Variants in BIN3 observed in about 807,000 individuals in gnomAD.
BIN3 encodes the protein bridging integrator 3.
A neutral mutation model predicts 38.2 loss-of-function variants in BIN3; 41 were observed. The ratio of observed to expected loss-of-function variants is 1.07; its 90% CI spans 0.84 to 1.39. BIN3 has a LOEUF of 1.39. Among genes scored for constraint, BIN3 ranks in the 40% most tolerant of loss-of-function variants. The pLI is 0.00. For missense variants in BIN3, 361 were observed against 324.3 expected (o/e 1.11, Z -0.87); for synonymous variants, 145 against 122.6 (o/e 1.18, Z -1.21).
intron 2 of BIN3, among the ~76,000 whole-genome samples, chr8:22,643,412 C>T (rs1273257743): frequency 6.6e-6 from 1 of 152,152 alleles, no homozygotes; most frequent in Non-Finnish European, 1.5e-5. Flanking sequence ...CTCACTGTGG[C>T]CTCGAACTCG....
At chr8:22,635,448 C>T (rs527721733) in intron 4 of BIN3, among the ~76,000 whole-genome samples, 1 of 152,214 alleles carries the variant, frequency 6.6e-6, no homozygotes, top group East Asian at 1.9e-4. Context: ...TTCAGGTCCT[C>T]GTCCCAGTGT....
chr8:22,629,810 C>A, intron 6 of BIN3, 154 bp downstream of exon 6: 1 of 758,892 alleles, frequency 1.3e-6, no homozygotes, highest in Admixed American at 2.3e-5. Flanking sequence ...GACGCTTAGG[C>A]CACAGGTCAC....
chr8:22,628,059 G>A (rs1242081659), intron 6 of BIN3, among the ~76,000 whole-genome samples: 1 of 152,258 alleles, frequency 6.6e-6, no homozygotes, highest in African/African-American at 2.4e-5. Context: ...GGGCGAAGAG[G>A]AGAAGGAGAG....
chr8:22,644,377 G>C (rs906527994), intron 2 of BIN3, among the ~76,000 whole-genome samples: 7 of 152,244 alleles, frequency 4.6e-5, no homozygotes, highest in African/African-American at 1.7e-4. Context: ...TGAGGTAACA[G>C]AAATAAATGC....
chr8:22,651,046 G>C (rs187962921), intron 1 of BIN3, among the ~76,000 whole-genome samples: 2 of 152,162 alleles, frequency 1.3e-5, no homozygotes, highest in Admixed American at 6.5e-5. Context: ...TCACAAACTC[G>C]TAAGAGTTTC....
At chr8:22,624,663 G>A in intron 6 of BIN3, 1 of 333,542 alleles carries the variant, frequency 3.0e-6, no homozygotes. Flanking sequence ...TGTGGGCCAG[G>A]TCCAGGGAGC....
At chr8:22,640,905 G>A (rs565229200) in intron 2 of BIN3, among the ~76,000 whole-genome samples, 1 of 152,222 alleles carries the variant, frequency 6.6e-6, no homozygotes, top group South Asian at 2.1e-4. Flanking sequence ...ACTTGGTGCC[G>A]CTCAAGGCCA....
chr8:22,659,388 G>A (rs549683662), intron 1 of BIN3, among the ~76,000 whole-genome samples: 1 of 152,168 alleles, frequency 6.6e-6, no homozygotes, highest in Non-Finnish European at 1.5e-5. Flanking sequence ...AAAATAAAAG[G>A]GATGACTGTG....
chr8:22,643,945 G>A (rs1176710796), intron 2 of BIN3, among the ~76,000 whole-genome samples: 2 of 152,200 alleles, frequency 1.3e-5, no homozygotes, highest in Non-Finnish European at 2.9e-5. Context: ...ATTTTGCACC[G>A]GGATTCCAAA....
chr8:22,657,007 C>T (rs964681711), intron 1 of BIN3, among the ~76,000 whole-genome samples: 2 of 152,232 alleles, frequency 1.3e-5, no homozygotes, highest in Non-Finnish European at 2.9e-5. Context: ...CTGTTAAGTA[C>T]TGTACTAGGC....
intron 1 of BIN3, among the ~76,000 whole-genome samples, chr8:22,649,472 G>GT: frequency 6.6e-6 from 1 of 151,058 alleles, no homozygotes. Context: ...GATGGGGTGG[G>GT]TGGGGGTATA....
At chr8:22,656,700 G>C (rs910904759) in intron 1 of BIN3, among the ~76,000 whole-genome samples, 3 of 152,202 alleles carry the variant, frequency 2.0e-5, no homozygotes, top group African/African-American at 7.2e-5. Context: ...GTTCCTAACA[G>C]TAAGAAAATA....
chr8:22,667,419 T>G (rs1456691587), intron 1 of BIN3, among the ~76,000 whole-genome samples: 1 of 152,216 alleles, frequency 6.6e-6, no homozygotes, highest in East Asian at 1.9e-4. Context: ...GAAGGAAAGA[T>G]TGGTTCAGTA....
chr8:22,666,732 T>C (rs1803433865), intron 1 of BIN3, among the ~76,000 whole-genome samples: 1 of 152,186 alleles, frequency 6.6e-6, no homozygotes, highest in Admixed American at 6.5e-5. Context: ...ACTGTGACAT[T>C]TTGAAAGCTC....
At chr8:22,624,667 A>T (rs1801952472) in intron 6 of BIN3, 1 of 326,350 alleles carries the variant, frequency 3.1e-6, no homozygotes, top group South Asian at 5.7e-5. Context: ...GGCCAGGTCC[A>T]GGGAGCTGGG....
At chr8:22,663,927 T>C (rs531506619) in intron 1 of BIN3, among the ~76,000 whole-genome samples, 2 of 152,370 alleles carry the variant, frequency 1.3e-5, no homozygotes, top group East Asian at 3.9e-4. Flanking sequence ...GGCTGTCCTT[T>C]TGAATCCCTA....
At chr8:22,659,202 G>A (rs1010541402) in intron 1 of BIN3, among the ~76,000 whole-genome samples, 2 of 152,332 alleles carry the variant, frequency 1.3e-5, no homozygotes, top group South Asian at 2.1e-4. Flanking sequence ...TGAGCAAGGC[G>A]GAGACCCCAG....
chr8:22,634,590 G>T (rs6558173), intron 4 of BIN3: 162,117 of 454,134 alleles, frequency 0.36, 29,791 homozygotes, highest in South Asian at 0.42. Context: ...GGTTTTCCTC[G>T]TAACTGCAGT....
chr8:22,645,059 G>A (rs1388855687), intron 1 of BIN3, among the ~76,000 whole-genome samples: 2 of 151,852 alleles, frequency 1.3e-5, no homozygotes, highest in African/African-American at 2.4e-5. Flanking sequence ...CTGATAGTCT[G>A]TCATTTAAAG....
Sources: allele counts gnomAD v4.1 joint callset (sites outside exome capture counted in the v4.1 genomes callset), GRCh38; gene constraint gnomAD v4.1.1; transcripts MANE v1.5; gene names NCBI Gene and HGNC (gene_info 2026-07-23, HGNC 2026-07-21).